The following DGLUCY variants were observed in gnomAD, a reference collection of about 807,000 sequenced individuals.
DGLUCY encodes the protein D-glutamate cyclase, also known as D-glutamate cyclase, mitochondrial.
Under a neutral mutation model 58.5 loss-of-function variants are expected in DGLUCY, and 58 were observed. The ratio of observed to expected loss-of-function variants is 0.99; its 90% confidence interval spans 0.80 to 1.23. The LOEUF is 1.23. Among genes scored for constraint, DGLUCY ranks in the 50% most tolerant of loss-of-function variants. DGLUCY has a pLI of 0.00. For synonymous variants in DGLUCY, 325 were observed against 314.1 expected, an observed-to-expected ratio of 1.03 and a Z score of -0.37; for missense variants, 779 against 784.7, an observed-to-expected ratio of 0.99 and a Z score of 0.09.
Position 91,196,437 on chromosome 14 carries a change from G to A in DGLUCY, c.1258G>A (p.Ala420Thr), listed in dbSNP as rs760107049. ...AGGTGGATCAGTGGAAGCTGCTCAGGCATTCCTGTGCAAAAATGGGGACCC... is the reference window on the plus strand; with the variant it reads ...AGGTGGATCAGTGGAAGCTGCTCAGACATTCCTGTGCAAAAATGGGGACCC... ...YQGGSVEAAQ[A>T]FLCKNGDPQT... Residue 420 changes from alanine (A) to threonine (T), a missense_variant, in exon 10 of 14, where the codon GCA becomes ACA. Coordinates refer to ENST00000256324, the MANE Select transcript of DGLUCY (RefSeq NM_001102368.3). The A allele has an allele frequency of 6.2e-7, 1 of 1,614,150 alleles. No homozygotes were observed. The highest frequency in any genetic ancestry group is 1.7e-5 in the Admixed American group (1 of 60,002).
intron 12 of DGLUCY, among the ~76,000 whole-genome samples, chr14:91,212,688 T>G (rs1439045990): frequency 6.7e-6 from 1 of 150,126 alleles, no homozygotes; most frequent in Non-Finnish European, 1.5e-5. Context: ...GGTGACAGAG[T>G]GAGACCCTGT....
At chr14:91,073,660 G>A (rs1031313885) in intron 1 of DGLUCY, among the ~76,000 whole-genome samples, 10 of 152,064 alleles carry the variant, frequency 6.6e-5, no homozygotes, top group African/African-American at 2.4e-4. Context: ...CTGGTTGCTG[G>A]CTTTGAAAAT....
chr14:91,208,923 T>A (rs10135502), intron 12 of DGLUCY, among the ~76,000 whole-genome samples: 20 of 151,958 alleles, frequency 1.3e-4, no homozygotes, highest in Admixed American at 1.3e-3. Flanking sequence ...CACTAAAAAA[T>A]TAATTTTAAA....
At chr14:91,140,426 C>T (rs1423713308) in intron 1 of DGLUCY, among the ~76,000 whole-genome samples, 1 of 152,186 alleles carries the variant, frequency 6.6e-6, no homozygotes, top group Non-Finnish European at 1.5e-5. Context: ...AACCCCAGCA[C>T]TTTGGGAGGC....
intron 1 of DGLUCY, among the ~76,000 whole-genome samples, chr14:91,142,011 A>G (rs762845989): frequency 2.0e-5 from 3 of 151,170 alleles, no homozygotes; most frequent in Non-Finnish European, 4.4e-5. Flanking sequence ...ACGTCTGGCT[A>G]ATTTTTGTAT....
rs951320121 is a variant in DGLUCY, at chr14:91,225,591, T to C, written c.*758T>C. On this transcript the variant is annotated 3_prime_UTR_variant, in exon 14 of 14. Transcript: ENST00000256324. The stretch of plus-strand genomic sequence containing the variant: ...AGAGCAGAGATGCTGGCAATTTGGA[T>C]ATGCCAAAAAGAGGCCATAAAGGGC... 51 of 152,346 alleles carry C rather than the reference T, an allele frequency of 3.3e-4. No individual in the cohort carries two copies. Among genetic ancestry groups the C allele is most frequent in the African/African-American group, 1.2e-3 (49 of 41,578 alleles). 9.4% of individuals were successfully genotyped at this position (152,346 alleles called of 1,614,324 possible).
upstream of DGLUCY, among the ~76,000 whole-genome samples, chr14:91,111,248 GTATATATC>G (rs2044693613): frequency 2.5e-5 from 2 of 81,150 alleles, no homozygotes; most frequent in South Asian, 3.7e-4. Flanking sequence ...GTGTGTGTGT[GTATATATC>G]TATATATCTA....
chr14:91,219,915 G>T (rs1050790177), intron 13 of DGLUCY, among the ~76,000 whole-genome samples: 1 of 152,174 alleles, frequency 6.6e-6, no homozygotes, highest in Non-Finnish European at 1.5e-5. Context: ...TGGGCAGGGG[G>T]TGGGTCCCTA....
chr14:91,218,149 G>C (rs1450958843), intron 13 of DGLUCY, among the ~76,000 whole-genome samples: 1 of 152,170 alleles, frequency 6.6e-6, no homozygotes, highest in Non-Finnish European at 1.5e-5. Context: ...CATTTTCAGA[G>C]GGAAATGGTC....
intron 5 of DGLUCY, among the ~76,000 whole-genome samples, chr14:91,170,710 C>T (rs1007090492): frequency 6.6e-6 from 1 of 151,248 alleles, no homozygotes; most frequent in Non-Finnish European, 1.5e-5. Context: ...TGGGACGTGC[C>T]TGCTGTGCCT....
chr14:91,078,982 C>A (rs1344301213), intron 1 of DGLUCY, among the ~76,000 whole-genome samples: 1 of 151,734 alleles, frequency 6.6e-6, no homozygotes, highest in East Asian at 1.9e-4. Context: ...CAGCTCACTG[C>A]AACCTCCACC....
At chr14:91,148,069 G>A (rs1164544689) in intron 1 of DGLUCY, among the ~76,000 whole-genome samples, 1 of 152,140 alleles carries the variant, frequency 6.6e-6, no homozygotes, top group African/African-American at 2.4e-5. Flanking sequence ...AGCTACTTGG[G>A]AGGGTGAGGC....
chr14:91,154,748 G>A (rs758806861), intron 1 of DGLUCY, among the ~76,000 whole-genome samples: 8 of 152,098 alleles, frequency 5.3e-5, no homozygotes, highest in African/African-American at 1.4e-4. Flanking sequence ...CCTGCTGTCC[G>A]TCCCCGACCT....
chr14:91,189,181 A>G lies in DGLUCY; in HGVS notation c.1195+11A>G. ...ATGCTGTTGAGCAAGGTAAGCAGTG[A>G]GATGGGCTTGGTCCATTTCCCCAAA... On this transcript the variant is annotated intron_variant, in intron 9 of 13. Transcript: ENST00000256324. 6.2e-7 allele frequency: 1 copy of G among 1,613,730 alleles called. No homozygotes were observed. The highest frequency in any genetic ancestry group is 1.7e-5 in the Admixed American group (1 of 60,004).
At chr14:91,155,795 T>C (rs1412263063) in intron 1 of DGLUCY, among the ~76,000 whole-genome samples, 1 of 138,704 alleles carries the variant, frequency 7.2e-6, no homozygotes, top group Non-Finnish European at 1.6e-5. Context: ...AGACCCTGTT[T>C]CCAAAAAAAA....
At chr14:91,147,532 C>T (rs1335208727) in intron 1 of DGLUCY, among the ~76,000 whole-genome samples, 1 of 152,166 alleles carries the variant, frequency 6.6e-6, no homozygotes, top group African/African-American at 2.4e-5. Flanking sequence ...ACCATCTCTG[C>T]AAGGCTGTTG....
At chr14:91,086,345 A>T (rs2044219737) in intron 1 of DGLUCY, among the ~76,000 whole-genome samples, 1 of 152,166 alleles carries the variant, frequency 6.6e-6, no homozygotes, top group Non-Finnish European at 1.5e-5. Flanking sequence ...TCCATGGAAA[A>T]ATGGTCTTCC....
At position 91,170,211 on chromosome 14, in the gene DGLUCY, C is replaced by T. The variant is rs2140397573; in HGVS notation, c.456+10C>T. On this transcript the variant is annotated intron_variant, in intron 5 of 13. Transcript: ENST00000256324. ...GGCGGGTGCATACAAGGTAGGGACACAGCCCACAGCCCACAAGGGCAGAAT... is the reference window on the plus strand; with the variant it reads ...GGCGGGTGCATACAAGGTAGGGACATAGCCCACAGCCCACAAGGGCAGAAT... The T allele has an allele frequency of 1.2e-6, 2 of 1,610,328 alleles. No individual in the cohort carries two copies. The highest frequency in any genetic ancestry group is 1.7e-6 in the Non-Finnish European group (2 of 1,177,930).
chr14:91,142,213 T>C (rs2046737626), intron 1 of DGLUCY, among the ~76,000 whole-genome samples: 1 of 152,130 alleles, frequency 6.6e-6, no homozygotes, highest in Non-Finnish European at 1.5e-5. Context: ...CAGTCTATAT[T>C]TATCTGACTC....
Sources: gnomAD v4.1 joint callset for allele counts (sites outside exome capture counted in the v4.1 genomes callset) on GRCh38, gnomAD v4.1.1 for gene constraint, MANE v1.5 for transcripts, NCBI Gene and HGNC (gene_info 2026-07-23, HGNC 2026-07-21) for gene names.